The following MYT1L variants were observed in gnomAD, a reference collection of about 807,000 sequenced individuals.
MYT1L encodes myelin transcription factor 1-like protein.
Under a neutral mutation model 126.7 loss-of-function variants are expected in MYT1L, and 12 were observed. The ratio of observed to expected loss-of-function variants is 0.09; its 90% CI spans 0.06 to 0.15. MYT1L has a LOEUF of 0.15. Among genes scored for constraint, MYT1L ranks in the 10% least tolerant of loss-of-function variants. The pLI, the probability that MYT1L is intolerant of heterozygous loss-of-function variation, is 1.00. For synonymous variants in MYT1L, 541 were observed against 604.2 expected (o/e 0.90, Z 1.53); for missense variants, 979 against 1,585.2 (o/e 0.62, Z 6.49).
In MYT1L at chr2:2,269,664, G is replaced by T. The variant is rs73914903; in HGVS notation, c.-421+14740C>A. Among the ~76,000 whole-genome samples, 997 of 152,202 alleles carry T rather than the reference G, an allele frequency of 6.6e-3. 9 individuals are homozygous for T. Among genetic ancestry groups the T allele is most frequent in the African/African-American group, 0.022 (915 of 41,536 alleles). The stretch of plus-strand genomic sequence containing the variant: ...TTGGTGAGCCCAGTAATCTCCAGTA[G>T]CCCCTGGATTTGTGCTCCCCGGCAA... On this transcript the variant is annotated intron_variant, in intron 2 of 24. Transcript: ENST00000647738.
At chr2:1,871,926 T>G (rs1450553873) in intron 18 of MYT1L, among the ~76,000 whole-genome samples, 1 of 152,032 alleles carries the variant, frequency 6.6e-6, no homozygotes, top group East Asian at 1.9e-4. Flanking sequence ...CGCTGAGACA[T>G]GAAACTCGGA....
At chr2:2,072,449 C>G (rs71442317) in intron 3 of MYT1L, among the ~76,000 whole-genome samples, 5,045 of 152,296 alleles carry the variant, frequency 0.033, 110 homozygotes, top group East Asian at 0.082. Flanking sequence ...CCCCATCACT[C>G]AGAATCGTCT....
chr2:2,319,070 T>C (rs1053964124), intron 1 of MYT1L, among the ~76,000 whole-genome samples: 1 of 152,192 alleles, frequency 6.6e-6, no homozygotes, highest in Non-Finnish European at 1.5e-5. Context: ...CTCTCCTCCT[T>C]GTTTTGATGT....
chr2:2,143,334 C>T (rs947661923), intron 3 of MYT1L, among the ~76,000 whole-genome samples: 1 of 141,404 alleles, frequency 7.1e-6, no homozygotes, highest in Non-Finnish European at 1.6e-5. Context: ...AGTTTAAAAA[C>T]AAAGAGAGGA....
chr2:2,030,507 T>A (rs1400361326), intron 4 of MYT1L, among the ~76,000 whole-genome samples: 1 of 152,270 alleles, frequency 6.6e-6, no homozygotes, highest in East Asian at 1.9e-4. Flanking sequence ...TAAAATTGAA[T>A]GCCTATTATT....
At chr2:1,828,802 A>T (rs2039715934) in intron 21 of MYT1L, 1 of 152,232 alleles carries the variant, frequency 6.6e-6, no homozygotes, top group Admixed American at 6.5e-5. Context: ...AAAAATAAAT[A>T]GAACAATTCA....
chr2:1,985,005 C>T (rs1462686529), intron 5 of MYT1L, among the ~76,000 whole-genome samples: 1 of 152,118 alleles, frequency 6.6e-6, no homozygotes, highest in African/African-American at 2.4e-5. Context: ...GGGACCTGCT[C>T]TCCCCTCCCC....
chr2:2,073,010 C>T (rs1365276849), intron 3 of MYT1L, among the ~76,000 whole-genome samples: 2 of 152,120 alleles, frequency 1.3e-5, no homozygotes, highest in Non-Finnish European at 1.5e-5. Context: ...GGTTTGTAGA[C>T]AGTGTCTTCA....
intron 2 of MYT1L, among the ~76,000 whole-genome samples, chr2:2,241,326 A>G (rs2094436844): frequency 6.6e-6 from 1 of 152,168 alleles, no homozygotes; most frequent in Non-Finnish European, 1.5e-5. Context: ...AAATAATCAG[A>G]AAAGAGGGAA....
At chr2:2,236,227 C>CACATCCCAACCCAACCCAGT (rs1559418093) in intron 2 of MYT1L, among the ~76,000 whole-genome samples, 8 of 127,382 alleles carry the variant, frequency 6.3e-5, no homozygotes, top group African/African-American at 1.5e-4. Context: ...CCCAGCCCAG[C>CACATCCCAACCCAACCCAGT]ACATCCCAAC....
At chr2:2,150,209 G>C (rs1483998197) in intron 3 of MYT1L, among the ~76,000 whole-genome samples, 3 of 152,112 alleles carry the variant, frequency 2.0e-5, no homozygotes, top group Admixed American at 2.0e-4. Context: ...CCAAGTGAAT[G>C]CAAGATACCG....
intron 18 of MYT1L, among the ~76,000 whole-genome samples, chr2:1,876,939 G>T (rs1010675330): frequency 6.6e-6 from 1 of 152,220 alleles, no homozygotes; most frequent in Admixed American, 6.5e-5. Flanking sequence ...GACATGGCTT[G>T]CTCACCCTGC....
intron 3 of MYT1L, among the ~76,000 whole-genome samples, chr2:2,161,990 C>T (rs1329892445): frequency 1.3e-5 from 2 of 152,136 alleles, no homozygotes; most frequent in African/African-American, 4.8e-5. Flanking sequence ...GAAGCAGGCA[C>T]ACTTGGTGGC....
intron 3 of MYT1L, among the ~76,000 whole-genome samples, chr2:2,087,056 A>T (rs2076425441): frequency 6.6e-6 from 1 of 152,186 alleles, no homozygotes; most frequent in Non-Finnish European, 1.5e-5. Context: ...GAATTATGTC[A>T]GCCCAGGCTG....
In MYT1L at chr2:2,124,470, A is replaced by G. The variant is rs556292451; in HGVS notation, c.-304+48402T>C. Reference sequence around the variant, plus strand: ...GCCACCACACCTGGCTGATTTTGGTATTTTTAGTAGAGATGGGGTTTCACC... The same window carrying G: ...GCCACCACACCTGGCTGATTTTGGTGTTTTTAGTAGAGATGGGGTTTCACC... On this transcript the variant is annotated intron_variant, in intron 3 of 24. Transcript: ENST00000647738. Among the ~76,000 whole-genome samples the G allele has an allele frequency of 2.0e-5, 3 of 151,798 alleles. No individual in the cohort carries two copies. In the East Asian group the frequency reaches 5.8e-4, roughly 29 times the overall value.
In MYT1L at chr2:1,887,881, C is replaced by A. The variant is rs368733496; in HGVS notation, c.2521-272G>T. Reference sequence around the variant, plus strand: ...TGTGCTCATCACATGGACACACACACGGTCTGGTAGCCAGAGACTACATTT... The same window carrying A: ...TGTGCTCATCACATGGACACACACAAGGTCTGGTAGCCAGAGACTACATTT... On this transcript the variant is annotated intron_variant, in intron 16 of 24. Transcript: ENST00000647738. This position sits in a 1 kb window ranked among gnomAD's most constrained non-coding sequence, Gnocchi z 4.8. Among the ~76,000 whole-genome samples the A allele has an allele frequency of 6.6e-6, 1 of 152,184 alleles. No individual in the cohort carries two copies. The highest frequency in any genetic ancestry group is 1.9e-4 in the East Asian group (1 of 5,190).
At chr2:2,113,897 A>G (rs554382325) in intron 3 of MYT1L, among the ~76,000 whole-genome samples, 13 of 152,180 alleles carry the variant, frequency 8.5e-5, no homozygotes, top group African/African-American at 2.9e-4. Context: ...TACTGCCTCC[A>G]TTACACAGAT....
At chr2:1,967,224 C>T (rs772450725) in intron 8 of MYT1L, among the ~76,000 whole-genome samples, 2 of 152,166 alleles carry the variant, frequency 1.3e-5, no homozygotes, top group East Asian at 1.9e-4. Context: ...CAGTGAAGAA[C>T]ATTTAAGAAG....
chr2:1,907,139 A>G (rs1409275583), intron 13 of MYT1L, among the ~76,000 whole-genome samples: 1 of 150,878 alleles, frequency 6.6e-6, no homozygotes, highest in Non-Finnish European at 1.5e-5. Flanking sequence ...ATTAAAAAAA[A>G]AAAACAAAAG....
Sources: allele counts gnomAD v4.1 joint callset (sites outside exome capture counted in the v4.1 genomes callset), GRCh38; gene constraint gnomAD v4.1.1; non-coding constraint Gnocchi (gnomAD v3.1); transcripts MANE v1.5; gene names NCBI Gene and HGNC (gene_info 2026-07-23, HGNC 2026-07-21).